NCKAP5: variants seen among roughly 807,000 people sequenced by gnomAD.
NCKAP5 encodes nck-associated protein 5.
In NCKAP5, 92 loss-of-function variants were observed where a neutral mutation model predicts 167.0. That is an observed-to-expected ratio of 0.55 (90% CI 0.47 to 0.66). NCKAP5 has a LOEUF of 0.66. NCKAP5 is among the 30% of genes least tolerant of loss of function. The pLI, the probability that NCKAP5 is intolerant of heterozygous loss-of-function variation, is 0.00. For missense variants in NCKAP5, 2,378 were observed against 2,315.0 expected (o/e 1.03, Z -0.56); for synonymous variants, 891 against 877.4 (o/e 1.02, Z -0.27).
chr2:132,770,715 T>C (rs1681968701), intron 16 of NCKAP5, among the ~76,000 whole-genome samples: 1 of 152,148 alleles, frequency 6.6e-6, no homozygotes, highest in African/African-American at 2.4e-5. Context: ...CATATGTTTG[T>C]GTGATGAAGG....
intron 11 of NCKAP5, among the ~76,000 whole-genome samples, chr2:132,820,235 G>GC (rs1553451374): frequency 6.8e-6 from 1 of 148,116 alleles, no homozygotes; most frequent in Non-Finnish European, 1.5e-5. Context: ...TTTTGTTTTT[G>GC]TTTTTTTTTT....
intron 12 of NCKAP5, among the ~76,000 whole-genome samples, chr2:132,796,386 A>G (rs536830019): frequency 1.7e-4 from 26 of 152,320 alleles, no homozygotes; most frequent in African/African-American, 5.8e-4. Context: ...ATCAATATCC[A>G]AAAAAGGTAT....
At chr2:133,467,915 G>C (rs1211041212) in intron 3 of NCKAP5, among the ~76,000 whole-genome samples, 1 of 130,370 alleles carries the variant, frequency 7.7e-6, no homozygotes, top group South Asian at 2.5e-4. Flanking sequence ...TTCTTTATTA[G>C]TCTTGCTAGC....
At chr2:133,623,397 A>T in the NCKAP5 span, among the ~76,000 whole-genome samples, 1 of 152,172 alleles carries the variant, frequency 6.6e-6, no homozygotes, top group Non-Finnish European at 1.5e-5. Flanking sequence ...CACAATCTAT[A>T]CACCTGACAA....
intron 3 of NCKAP5, among the ~76,000 whole-genome samples, chr2:133,316,081 C>A (rs927423967): frequency 6.2e-4 from 95 of 152,242 alleles, no homozygotes; most frequent in African/African-American, 2.2e-3. Flanking sequence ...TTAACAAGAA[C>A]TTGTAGGAGG....
At chr2:133,299,592 CA>C (rs368589149) in intron 4 of NCKAP5, among the ~76,000 whole-genome samples, 13 of 151,208 alleles carry the variant, frequency 8.6e-5, no homozygotes, top group African/African-American at 7.3e-5. Flanking sequence ...ACTAAAAATA[CA>C]AAAAAAAATT....
intron 4 of NCKAP5, among the ~76,000 whole-genome samples, chr2:133,285,254 G>A (rs977677122): frequency 5.3e-5 from 8 of 152,272 alleles, no homozygotes; most frequent in Non-Finnish European, 8.8e-5. Context: ...CATTTGACAG[G>A]AAAAATAATC....
intron 3 of NCKAP5, among the ~76,000 whole-genome samples, chr2:133,397,318 A>G (rs1017514167): frequency 1.3e-5 from 2 of 152,190 alleles, no homozygotes; most frequent in African/African-American, 2.4e-5. Flanking sequence ...TCATCTGGCC[A>G]TTTGATCGCA....
intron 3 of NCKAP5, among the ~76,000 whole-genome samples, chr2:133,340,615 T>A (rs550199299): frequency 6.6e-6 from 1 of 152,252 alleles, no homozygotes; most frequent in Admixed American, 6.5e-5. Context: ...TCTGTAAAGA[T>A]CTTATAAACA....
chr2:133,550,071 C>A (rs905432085), intron 2 of NCKAP5, among the ~76,000 whole-genome samples: 1 of 151,484 alleles, frequency 6.6e-6, no homozygotes, highest in Non-Finnish European at 1.5e-5. Context: ...TCTGAATAGA[C>A]CAATAACAGG....
In NCKAP5 at chr2:133,480,920, T is replaced by G. The variant is rs183078908; in HGVS notation, c.69+36538A>C. Reference sequence around the variant, plus strand: ...CAAGTCAAAGCAAGATAGCTTTGACTCTGCTATTGACCTATCCTCTACTAT... The same window carrying G: ...CAAGTCAAAGCAAGATAGCTTTGACGCTGCTATTGACCTATCCTCTACTAT... On this transcript the variant is annotated intron_variant, in intron 3 of 19. Coordinates refer to ENST00000409261, the MANE Select transcript of NCKAP5 (RefSeq NM_207363.3). 2.6e-5 allele frequency among the ~76,000 whole-genome samples: 4 copies of G among 152,376 alleles called. No individual in the cohort carries two copies. In the East Asian group the frequency reaches 7.7e-4, roughly 29 times the overall value.
At chr2:132,808,332 G>A (rs977522356) in intron 11 of NCKAP5, among the ~76,000 whole-genome samples, 1 of 152,040 alleles carries the variant, frequency 6.6e-6, no homozygotes, top group Non-Finnish European at 1.5e-5. Flanking sequence ...CAAAAGGATT[G>A]GCAACAATTC....
chr2:133,472,634 C>T (rs1250666129), intron 3 of NCKAP5, among the ~76,000 whole-genome samples: 2 of 151,998 alleles, frequency 1.3e-5, no homozygotes, highest in South Asian at 2.1e-4. Flanking sequence ...CTGCAGGGTC[C>T]GAGACCCATA....
At position 132,783,936 on chromosome 2, in the gene NCKAP5, T is replaced by C; in HGVS notation, c.2875A>G (p.Arg959Gly). The C allele has an allele frequency of 6.3e-7, 1 of 1,578,058 alleles. No individual in the cohort carries two copies. Among genetic ancestry groups the C allele is most frequent in the South Asian group, 1.2e-5 (1 of 84,614 alleles). ...PAPSSTKSET[R>G]VPSETARTPF... ...GTCCTTGCTGTTTCACTGGGGACCC[T>C]GGTTTCGGACTTGGTGGATGAAGGT... Residue 959 changes from arginine (R) to glycine (G), a missense_variant, in exon 14 of 20, where the codon AGG (arginine) becomes GGG (glycine). By Grantham distance (125) the Arg-to-Gly change is moderately radical. Transcript: ENST00000409261.
chr2:132,872,978 A>G (rs1574480332), intron 9 of NCKAP5, among the ~76,000 whole-genome samples: 2 of 152,366 alleles, frequency 1.3e-5, no homozygotes, highest in South Asian at 4.1e-4. Flanking sequence ...GATGATAGAC[A>G]TAATCAGCGA....
In NCKAP5 at chr2:133,420,123, C is replaced by T. The variant is rs145549556; in HGVS notation, c.69+97335G>A. On this transcript the variant is annotated intron_variant, in intron 3 of 19. Coordinates refer to ENST00000409261, the MANE Select transcript of NCKAP5 (RefSeq NM_207363.3). ...GTAAGAGAATCTATTAGTTTTAAGA[C>T]ACTATTAAAAAGATAGACACATTTG... 1.8e-4 allele frequency among the ~76,000 whole-genome samples: 27 copies of T among 152,294 alleles called. No individual in the cohort carries two copies. The East Asian group carries it at 5.2e-3, about 29-fold the overall frequency.
chr2:132,935,995 T>G (rs78823180), intron 8 of NCKAP5, among the ~76,000 whole-genome samples: 3 of 147,554 alleles, frequency 2.0e-5, no homozygotes, highest in African/African-American at 7.9e-5. Flanking sequence ...TTTTTTTTTT[T>G]CCTTGAGACA....
intron 5 of NCKAP5, among the ~76,000 whole-genome samples, chr2:133,206,631 A>C (rs1415596830): frequency 6.6e-6 from 1 of 152,218 alleles, no homozygotes; most frequent in East Asian, 1.9e-4. Flanking sequence ...GTGTTTGAAC[A>C]ATATGAAATC....
chr2:133,155,418 C>T (rs145269946), intron 5 of NCKAP5, among the ~76,000 whole-genome samples: 10 of 152,252 alleles, frequency 6.6e-5, no homozygotes, highest in East Asian at 3.9e-4. Context: ...CTGGGTGATG[C>T]GGATGCTGGT....
Sources: gnomAD v4.1 joint callset for allele counts (sites outside exome capture counted in the v4.1 genomes callset) on GRCh38, gnomAD v4.1.1 for gene constraint, MANE v1.5 for transcripts, NCBI Gene and HGNC (gene_info 2026-07-23, HGNC 2026-07-21) for gene names.